ASCL5: variants seen among roughly 807,000 people sequenced by gnomAD.
ASCL5 encodes the protein achaete-scute family bHLH transcription factor 5.
For synonymous variants in ASCL5, 124 were observed against 131.5 expected, an observed-to-expected ratio of 0.94 and a Z score of 0.39; for missense variants, 262 against 268.9, an observed-to-expected ratio of 0.97 and a Z score of 0.18.
intron 1 of ASCL5, among the ~76,000 whole-genome samples, chr1:201,122,315 C>T (rs1663500363): frequency 1.3e-5 from 2 of 152,194 alleles, no homozygotes; most frequent in South Asian, 4.1e-4. Context: ...GCTCACAGAG[C>T]TTTGACATGG....
At chr1:201,119,467 G>T (rs528102285) in intron 1 of ASCL5, among the ~76,000 whole-genome samples, 2 of 152,092 alleles carry the variant, frequency 1.3e-5, no homozygotes, top group African/African-American at 4.8e-5. Flanking sequence ...TTCGCATCCC[G>T]ACCCCACGGG....
intron 1 of ASCL5, among the ~76,000 whole-genome samples, chr1:201,121,598 AT>A (rs1429774492): frequency 6.6e-6 from 1 of 152,164 alleles, no homozygotes; most frequent in Non-Finnish European, 1.5e-5. Flanking sequence ...CTTGAAAAAA[AT>A]CTCTCATTAA....
intron 1 of ASCL5, among the ~76,000 whole-genome samples, chr1:201,119,380 T>C (rs914488282): frequency 1.3e-5 from 2 of 152,198 alleles, no homozygotes; most frequent in Non-Finnish European, 2.9e-5. Context: ...GCTAAGTTCA[T>C]GGGACTGGGC....
chr1:201,119,687 T>G (rs548958769), intron 1 of ASCL5, among the ~76,000 whole-genome samples: 15 of 152,294 alleles, frequency 9.8e-5, no homozygotes, highest in African/African-American at 3.1e-4. Context: ...TTAATACAAT[T>G]AGATGTATTT....
intron 1 of ASCL5, among the ~76,000 whole-genome samples, chr1:201,122,238 G>C (rs1005162898): frequency 3.9e-5 from 6 of 152,324 alleles, no homozygotes; most frequent in African/African-American, 1.4e-4. Flanking sequence ...CATCCTCCCT[G>C]CCTCAGGTTT....
rs1415421800 is a variant in ASCL5, at chr1:201,114,890, G to A, written c.483C>T (p.Pro161=). 4 of 1,229,102 alleles carry A rather than the reference G, an allele frequency of 3.3e-6. No homozygotes were observed. The highest frequency in any genetic ancestry group is 3.1e-5 in the African/African-American group (2 of 64,280). 76.1% of individuals were successfully genotyped at this position (1,229,102 alleles called of 1,614,324 possible). ...SRGLPGTGPC[P]APPATPRPDR... is the part of the protein sequence containing the mutation. ...CGGGACGGGGGGTGGCGGGCGGCGC[G>A]GGGCAGGGCCCGGTGCCCGGGAGGC... Residue 161 remains proline, a synonymous_variant, in exon 2 of 2, where the codon CCC becomes CCT. Coordinates refer to ENST00000449188, the MANE Select transcript of ASCL5 (RefSeq NM_001270601.2).
Position 201,115,047 on chromosome 1 carries a change from T to C in ASCL5, c.326A>G (p.His109Arg). 8.1e-7 allele frequency: 1 copy of C among 1,231,810 alleles called. No homozygotes were observed. The highest frequency in any genetic ancestry group is 1.0e-6 in the Non-Finnish European group (1 of 988,262). 76.3% of individuals were successfully genotyped at this position (1,231,810 alleles called of 1,614,324 possible). ...CTTCTCAGCCAGGGCGCCGGGGAGGTGGCCGCGGAGGCGAGCGTAGCCCTC... is the reference window on the plus strand; with the variant it reads ...CTTCTCAGCCAGGGCGCCGGGGAGGCGGCCGCGGAGGCGAGCGTAGCCCTC... Reference protein sequence around the residue: ...VNEGYARLRGHLPGALAEKRL... With the variant: ...VNEGYARLRGRLPGALAEKRL... The change falls in exon 2 of 2, where the codon CAC (histidine) becomes CGC (arginine). Residue 109 changes from histidine (H) to arginine (R), a missense_variant. Transcript: ENST00000449188.
intron 1 of ASCL5, among the ~76,000 whole-genome samples, chr1:201,116,388 C>T (rs945158120): frequency 6.6e-6 from 1 of 152,124 alleles, no homozygotes; most frequent in African/African-American, 2.4e-5. Flanking sequence ...ATTCAAAGCC[C>T]TCTGCCTGGC....
intron 1 of ASCL5, among the ~76,000 whole-genome samples, chr1:201,116,938 C>T (rs990645914): frequency 3.3e-5 from 5 of 152,144 alleles, no homozygotes; most frequent in Admixed American, 3.3e-4. Flanking sequence ...CTCCAAGAGA[C>T]AGAAAGGAGC....
chr1:201,121,418 G>T (rs1490824595), intron 1 of ASCL5, among the ~76,000 whole-genome samples: 3 of 152,162 alleles, frequency 2.0e-5, no homozygotes, highest in Non-Finnish European at 4.4e-5. Flanking sequence ...ACCAGCTTGG[G>T]AACCTTGTGC....
chr1:201,116,973 G>A (rs1048084571), intron 1 of ASCL5, among the ~76,000 whole-genome samples: 1 of 152,150 alleles, frequency 6.6e-6, no homozygotes, highest in African/African-American at 2.4e-5. Context: ...ACAGGAGGAG[G>A]TGGTGGCAAA....
chr1:201,119,209 A>C (rs1332826348), intron 1 of ASCL5, among the ~76,000 whole-genome samples: 1 of 152,202 alleles, frequency 6.6e-6, no homozygotes, highest in Non-Finnish European at 1.5e-5. Context: ...ACCCCCTTGA[A>C]GATGTGTTTG....
intron 1 of ASCL5, among the ~76,000 whole-genome samples, chr1:201,126,541 T>C (rs1663583296): frequency 6.6e-6 from 1 of 152,250 alleles, no homozygotes; most frequent in African/African-American, 2.4e-5. Context: ...ACATTTATTC[T>C]ATGCCAAGTA....
Position 201,115,051 on chromosome 1 carries a change from C to A in ASCL5, c.322G>T (p.Gly108Cys). 12 of 1,232,196 alleles carry A rather than the reference C, an allele frequency of 9.7e-6. No homozygotes were observed. The highest frequency in any genetic ancestry group is 3.2e-5 in the East Asian group (1 of 31,706). The allele number at this position is 1,232,196 out of a possible 1,614,324, so 76.3% of individuals were successfully genotyped here. ...CVNEGYARLR[G>C]HLPGALAEKR... ...TCAGCCAGGGCGCCGGGGAGGTGGCCGCGGAGGCGAGCGTAGCCCTCGTTG... is the reference window on the plus strand; with the variant it reads ...TCAGCCAGGGCGCCGGGGAGGTGGCAGCGGAGGCGAGCGTAGCCCTCGTTG... Residue 108 changes from glycine (G) to cysteine (C), a missense_variant, in exon 2 of 2, where the codon GGC becomes TGC. By Grantham distance (159) the Gly-to-Cys change is radical (BLOSUM62 -3). Coordinates refer to ENST00000449188, the MANE Select transcript of ASCL5 (RefSeq NM_001270601.2).
chr1:201,115,247 G>T lies in ASCL5; in HGVS notation c.126C>A (p.Asn42Lys). The T allele has an allele frequency of 3.2e-6, 4 of 1,231,522 alleles. No individual in the cohort carries two copies. The highest frequency in any genetic ancestry group is 4.0e-6 in the Non-Finnish European group (4 of 987,868). The allele number at this position is 1,231,522 out of a possible 1,614,324, so 76.3% of individuals were successfully genotyped here. Reference sequence around the variant, plus strand: ...GGCCCGGGTACAGCAGGAAGGGCACGTTGCCCAGGGGCTCGGCGGGGGGCA... The same window carrying T: ...GGCCCGGGTACAGCAGGAAGGGCACTTTGCCCAGGGGCTCGGCGGGGGGCA... ...APLPPAEPLG[N>K]VPFLLYPGPA... The change falls in exon 2 of 2, where the codon AAC (asparagine) becomes AAA (lysine). Residue 42 changes from asparagine to lysine, a missense_variant. Coordinates refer to ENST00000449188, the MANE Select transcript of ASCL5 (RefSeq NM_001270601.2).
Position 201,114,491 on chromosome 1 carries a change from G to C in ASCL5, c.*261C>G. 1 of 320,324 alleles carries C rather than the reference G, an allele frequency of 3.1e-6. No homozygotes were observed. The highest frequency in any genetic ancestry group is 1.6e-4 in the South Asian group (1 of 6,358). 19.8% of individuals were successfully genotyped at this position (320,324 alleles called of 1,614,324 possible). On this transcript the variant is annotated 3_prime_UTR_variant, in exon 2 of 2. Transcript: ENST00000449188. ...CTGCACCCCGGAGGGGACGCAGGAC[G>C]CCCGGAGCAGTCCCAGGCCCTGCCC...
chr1:201,125,838 A>G (rs1395371251), intron 1 of ASCL5, among the ~76,000 whole-genome samples: 3 of 152,166 alleles, frequency 2.0e-5, no homozygotes, highest in Non-Finnish European at 4.4e-5. Flanking sequence ...TCACCAGTCC[A>G]TGACTGTTAT....
Position 201,115,452 on chromosome 1 carries a change from G to T in ASCL5, c.-80C>A. 1 of 1,165,870 alleles carries T rather than the reference G, an allele frequency of 8.6e-7. No individual in the cohort carries two copies. The highest frequency in any genetic ancestry group is 1.1e-6 in the Non-Finnish European group (1 of 928,412). 72.2% of individuals were successfully genotyped at this position (1,165,870 alleles called of 1,614,324 possible). A position where few individuals can be genotyped will look rare whatever the true frequency, so the allele number is the denominator to read the frequency against. ...GGGGTCTGCACCGTCTCCACCAGTG[G>T]GGCAAGTCACATCGCTAGCAGCAGC... is the stretch of plus-strand genomic sequence containing the variant. On this transcript the variant is annotated 5_prime_UTR_variant, in exon 2 of 2. Transcript: ENST00000449188.
chr1:201,123,759 C>T (rs1352050276), intron 1 of ASCL5, among the ~76,000 whole-genome samples: 1 of 152,224 alleles, frequency 6.6e-6, no homozygotes. Context: ...GAGTCTATGG[C>T]TCAGGAGCCC....
Sources: allele counts gnomAD v4.1 joint callset (sites outside exome capture counted in the v4.1 genomes callset), GRCh38; gene constraint gnomAD v4.1.1; transcripts MANE v1.5; gene names NCBI Gene and HGNC (gene_info 2026-07-23, HGNC 2026-07-21).